The following PCSK2 variants were observed in gnomAD, a reference collection of about 807,000 sequenced individuals.
The protein encoded by PCSK2 is neuroendocrine convertase 2.
In PCSK2, 14 loss-of-function variants were observed where a neutral mutation model predicts 69.7. The ratio of observed to expected loss-of-function variants is 0.20; its 90% CI spans 0.13 to 0.31. The LOEUF is 0.31. PCSK2 is among the 10% of genes least tolerant of loss of function. The pLI, the probability that PCSK2 is intolerant of heterozygous loss-of-function variation, is 1.00. For synonymous variants in PCSK2, 307 were observed against 320.7 expected, an observed-to-expected ratio of 0.96 and a Z score of 0.46; for missense variants, 544 against 842.5, an observed-to-expected ratio of 0.65 and a Z score of 4.39.
At chr20:17,413,800 A>G (rs1315947345) in intron 6 of PCSK2, among the ~76,000 whole-genome samples, 1 of 152,214 alleles carries the variant, frequency 6.6e-6, no homozygotes, top group Non-Finnish European at 1.5e-5. Flanking sequence ...CTCCTCAGCA[A>G]ATGTAAAAGA....
chr20:17,263,391 A>G (rs1600423054), intron 2 of PCSK2, among the ~76,000 whole-genome samples: 1 of 152,250 alleles, frequency 6.6e-6, no homozygotes, highest in African/African-American at 2.4e-5. Context: ...TCTTCCTGCT[A>G]AAAGATTAGC....
chr20:17,448,870 T>G (rs1452676220), intron 8 of PCSK2, among the ~76,000 whole-genome samples: 2 of 150,648 alleles, frequency 1.3e-5, no homozygotes, highest in African/African-American at 2.4e-5. Flanking sequence ...ACCACTCACT[T>G]AATTTCACCT....
At chr20:17,414,647 T>A (rs887199558) in intron 6 of PCSK2, among the ~76,000 whole-genome samples, 1 of 152,076 alleles carries the variant, frequency 6.6e-6, no homozygotes, top group Non-Finnish European at 1.5e-5. Context: ...ACTATTCCAG[T>A]CAACAGAAAA....
intron 11 of PCSK2, among the ~76,000 whole-genome samples, chr20:17,472,721 C>T (rs778307222): frequency 6.6e-6 from 1 of 152,150 alleles, no homozygotes; most frequent in African/African-American, 2.4e-5. Context: ...CATCCACCAC[C>T]AAACCCGGCT....
intron 1 of PCSK2, among the ~76,000 whole-genome samples, chr20:17,245,955 C>G (rs1238956745): frequency 1.3e-5 from 2 of 152,132 alleles, no homozygotes; most frequent in East Asian, 3.9e-4. Context: ...AATGTCTTAC[C>G]AATGCCCAAA....
At chr20:17,393,461 TA>T (rs5840765) in intron 5 of PCSK2, among the ~76,000 whole-genome samples, 26,598 of 151,954 alleles carry the variant, frequency 0.18, 3,254 homozygotes, top group East Asian at 0.5. Flanking sequence ...CCCAGAAAGC[TA>T]AAAAAAAGTT....
At chr20:17,429,367 G>A in intron 6 of PCSK2, 68 bp from the exon 7 acceptor site, 1 of 1,089,990 alleles carries the variant, frequency 9.2e-7, no homozygotes, top group Non-Finnish European at 1.4e-6. Flanking sequence ...AGAGAATTTT[G>A]AGCCCATGAG....
rs139541917 is a variant in PCSK2, at chr20:17,358,130, A to ACC, written c.283-191_283-190dup. Among the ~76,000 whole-genome samples the ACC allele has an allele frequency of 8.4e-3, 1,266 of 150,678 alleles. 11 individuals are homozygous for ACC. The highest frequency in any genetic ancestry group is 0.014 in the Non-Finnish European group (958 of 67,768). On this transcript the variant is annotated intron_variant, in intron 2 of 11. Coordinates refer to ENST00000262545, the MANE Select transcript of PCSK2 (RefSeq NM_002594.5). ...AGACCAGCCTGGGAAACATAGCGAG[A>ACC]CCCCCCCTAATCTCTACAAAAAAAT...
At position 17,331,981 on chromosome 20, in the gene PCSK2, A is replaced by G. The variant is rs541875391; in HGVS notation, c.283-26346A>G. ...TTTCTCAGTGGTCTAGGCACTGGTT[A>G]TAATAATAATTATAGTTCACACTTA... On this transcript the variant is annotated intron_variant, in intron 2 of 11. Coordinates refer to ENST00000262545, the MANE Select transcript of PCSK2 (RefSeq NM_002594.5). 2.0e-4 allele frequency among the ~76,000 whole-genome samples: 31 copies of G among 152,336 alleles called. No homozygotes were observed. In the South Asian group the frequency reaches 6.2e-3, roughly 31 times the overall value.
At chr20:17,352,066 T>C (rs1385054315) in intron 2 of PCSK2, among the ~76,000 whole-genome samples, 1 of 152,150 alleles carries the variant, frequency 6.6e-6, no homozygotes, top group African/African-American at 2.4e-5. Flanking sequence ...ACGTTCAAGC[T>C]GAGAGCCAAA....
At chr20:17,434,644 G>A (rs2032447287) in intron 7 of PCSK2, among the ~76,000 whole-genome samples, 1 of 152,220 alleles carries the variant, frequency 6.6e-6, no homozygotes. Context: ...ACAGCTGGAA[G>A]TGCCATGCAC....
intron 5 of PCSK2, among the ~76,000 whole-genome samples, chr20:17,376,766 A>G (rs1396000972): frequency 6.6e-6 from 1 of 152,228 alleles, no homozygotes; most frequent in East Asian, 1.9e-4. Flanking sequence ...AGCTCTTTGT[A>G]AGGAAGTGTG....
chr20:17,354,510 C>T (rs2030128928), intron 2 of PCSK2, among the ~76,000 whole-genome samples: 1 of 152,130 alleles, frequency 6.6e-6, no homozygotes, highest in South Asian at 2.1e-4. Flanking sequence ...AGGGCTTTAT[C>T]ATACATGGAA....
At chr20:17,270,748 G>A (rs1224828784) in intron 2 of PCSK2, among the ~76,000 whole-genome samples, 1 of 152,086 alleles carries the variant, frequency 6.6e-6, no homozygotes, top group Non-Finnish European at 1.5e-5. Flanking sequence ...CAGAAGCAAA[G>A]AAAAGCAATT....
intron 2 of PCSK2, among the ~76,000 whole-genome samples, chr20:17,327,507 C>A (rs1217898466): frequency 6.6e-6 from 1 of 152,184 alleles, no homozygotes; most frequent in Non-Finnish European, 1.5e-5. Flanking sequence ...GTGCCCTACC[C>A]CGACCCCCAC....
At chr20:17,239,858 T>C (rs1016526536) in intron 1 of PCSK2, among the ~76,000 whole-genome samples, 6 of 133,106 alleles carry the variant, frequency 4.5e-5, no homozygotes, top group Admixed American at 7.4e-5. Flanking sequence ...TTTTTTTTTT[T>C]TTTTTTTTTT....
At chr20:17,348,974 G>C (rs1078199) in intron 2 of PCSK2, among the ~76,000 whole-genome samples, 56,857 of 152,032 alleles carry the variant, frequency 0.37, 10,879 homozygotes, top group South Asian at 0.51. Context: ...CCATAGGACC[G>C]TTAACCAGCC....
intron 2 of PCSK2, among the ~76,000 whole-genome samples, chr20:17,335,678 A>G (rs1990329426): frequency 1.3e-5 from 2 of 149,424 alleles, no homozygotes; most frequent in South Asian, 4.3e-4. Context: ...CCCAAAGTCC[A>G]TTGTATCATT....
intron 2 of PCSK2, among the ~76,000 whole-genome samples, chr20:17,271,780 A>T (rs1024143050): frequency 5.3e-5 from 8 of 152,226 alleles, no homozygotes; most frequent in Admixed American, 1.3e-4. Flanking sequence ...TTATCTTTTT[A>T]AAAAAATTAG....
Sources: allele counts gnomAD v4.1 joint callset (sites outside exome capture counted in the v4.1 genomes callset), GRCh38; gene constraint gnomAD v4.1.1; transcripts MANE v1.5; gene names NCBI Gene and HGNC (gene_info 2026-07-23, HGNC 2026-07-21).